The following RSRC1 variants were observed in gnomAD, a reference collection of about 807,000 sequenced individuals.
RSRC1 encodes the protein arginine and serine rich coiled-coil 1, also known as serine/Arginine-related protein 53.
Under a neutral mutation model 49.1 loss-of-function variants are expected in RSRC1, and 39 were observed. The ratio of observed to expected loss-of-function variants is 0.79; its 90% CI spans 0.61 to 1.04. The LOEUF (loss-of-function observed/expected upper bound fraction) is 1.04, where lower values mean the gene tolerates loss of function less well. RSRC1 is among the 50% of genes least tolerant of loss of function. RSRC1 has a pLI of 0.00. For missense variants in RSRC1, 388 were observed against 402.4 expected (o/e 0.96, Z 0.31); for synonymous variants, 143 against 130.8 (o/e 1.09, Z -0.63).
chr3:158,198,339 G>A (rs542396770), intron 3 of RSRC1, among the ~76,000 whole-genome samples: 1 of 152,026 alleles, frequency 6.6e-6, no homozygotes, highest in African/African-American at 2.4e-5. Flanking sequence ...TTTCCCATTT[G>A]CTTGGTAGAT....
In RSRC1 at chr3:158,283,031, T is replaced by TC. The variant is rs201927728; in HGVS notation, c.495-15007dup. 8.7e-3 allele frequency among the ~76,000 whole-genome samples: 1,325 copies of TC among 152,304 alleles called. 12 individuals carry two copies. Among genetic ancestry groups the TC allele is most frequent in the Non-Finnish European group, 0.012 (837 of 68,026 alleles). On this transcript the variant is annotated intron_variant, in intron 4 of 9. Transcript: ENST00000611884. Reference sequence around the variant, plus strand: ...ATTGCAAACATAACTGTGTTCATTATCTCTATTTCACATTCTCCATCTCTA... The same window carrying TC: ...ATTGCAAACATAACTGTGTTCATTATCCTCTATTTCACATTCTCCATCTCTA...
chr3:158,415,312 GC>G (rs1212122859), intron 6 of RSRC1, among the ~76,000 whole-genome samples: 1 of 152,016 alleles, frequency 6.6e-6, no homozygotes, highest in Non-Finnish European at 1.5e-5. Context: ...AAATGATCCA[GC>G]TTTAAAGATT....
chr3:158,396,116 T>C (rs1361766756), intron 6 of RSRC1, among the ~76,000 whole-genome samples: 1 of 152,048 alleles, frequency 6.6e-6, no homozygotes, highest in Non-Finnish European at 1.5e-5. Context: ...TCCTCACTTA[T>C]AAGTTGGAGC....
chr3:158,384,005 A>G (rs898594212), intron 6 of RSRC1, among the ~76,000 whole-genome samples: 1 of 152,096 alleles, frequency 6.6e-6, no homozygotes, highest in Admixed American at 6.6e-5. Flanking sequence ...CATAAATTAT[A>G]TTTTATATAT....
intron 4 of RSRC1, among the ~76,000 whole-genome samples, chr3:158,261,275 G>C (rs186150112): frequency 6.6e-6 from 1 of 152,178 alleles, no homozygotes. Flanking sequence ...AAAACTGTGC[G>C]TGGTCAGTCT....
intron 3 of RSRC1, among the ~76,000 whole-genome samples, chr3:158,185,425 T>C (rs1186880331): frequency 6.6e-6 from 1 of 151,998 alleles, no homozygotes; most frequent in Non-Finnish European, 1.5e-5. Flanking sequence ...ATTGCTCTTT[T>C]ACTTAGAGTC....
At chr3:158,377,509 C>G (rs189686382) in intron 6 of RSRC1, among the ~76,000 whole-genome samples, 86 of 152,238 alleles carry the variant, frequency 5.6e-4, no homozygotes, top group African/African-American at 1.9e-3. Context: ...CATTCTCCCG[C>G]TCTTGCTCCT....
In RSRC1 at chr3:158,455,992, A is replaced by G. The variant is rs1372317587; in HGVS notation, c.584-4943A>G. ...AAGACTCCATCTCAAAAAAAAAAAA[A>G]AAAAAAAAAAAAAAAAAAAAAAGGA... On this transcript the variant is annotated intron_variant, in intron 6 of 9. Coordinates refer to ENST00000611884, the MANE Select transcript of RSRC1 (RefSeq NM_001271838.2). 3.6e-4 allele frequency among the ~76,000 whole-genome samples: 36 copies of G among 99,878 alleles called. 1 individual carries two copies. The highest frequency in any genetic ancestry group is 2.6e-3 in the African/African-American group (35 of 13,340). The allele number at this position is 99,878 out of a possible 152,430, so 65.5% of individuals were successfully genotyped here. A position where few individuals can be genotyped will look rare whatever the true frequency, so the allele number is the denominator to read the frequency against.
intron 4 of RSRC1, among the ~76,000 whole-genome samples, chr3:158,215,127 T>C (rs1357853271): frequency 5.9e-5 from 9 of 151,864 alleles, no homozygotes; most frequent in African/African-American, 1.7e-4. Context: ...GCTTTCATCT[T>C]TGTTCTTCAT....
At chr3:158,322,117 A>G (rs1310831380) in intron 5 of RSRC1, among the ~76,000 whole-genome samples, 1 of 152,162 alleles carries the variant, frequency 6.6e-6, no homozygotes. Flanking sequence ...TACTTACTTC[A>G]GTATTTCTTG....
chr3:158,111,160 GT>G (rs1045938685), intron 1 of RSRC1, among the ~76,000 whole-genome samples: 2 of 152,182 alleles, frequency 1.3e-5, no homozygotes, highest in African/African-American at 4.8e-5. Context: ...GAGTTCCCAG[GT>G]TTAAGATTTG....
chr3:158,201,246 A>G (rs1021982825), intron 3 of RSRC1, among the ~76,000 whole-genome samples: 1 of 152,040 alleles, frequency 6.6e-6, no homozygotes, highest in Admixed American at 6.5e-5. Context: ...GTTCCCCTGT[A>G]TGTAATGTGT....
chr3:158,381,482 C>T (rs754601621), intron 6 of RSRC1, among the ~76,000 whole-genome samples: 2 of 152,168 alleles, frequency 1.3e-5, no homozygotes, highest in Non-Finnish European at 2.9e-5. Flanking sequence ...GGCCATTTAT[C>T]ATTGTGTGAA....
At chr3:158,274,722 TGTG>T (rs1256316473) in intron 4 of RSRC1, among the ~76,000 whole-genome samples, 4 of 152,184 alleles carry the variant, frequency 2.6e-5, no homozygotes, top group African/African-American at 9.7e-5. Flanking sequence ...AGAAATGCAA[TGTG>T]GTGGTATACT....
intron 4 of RSRC1, among the ~76,000 whole-genome samples, chr3:158,229,428 G>GTATA (rs1722824785): frequency 7.3e-6 from 1 of 137,754 alleles, no homozygotes; most frequent in Non-Finnish European, 1.6e-5. Context: ...ATGTATGTAT[G>GTATA]TATATACACA....
chr3:158,239,303 A>C (rs1419848180), intron 4 of RSRC1, among the ~76,000 whole-genome samples: 1 of 152,162 alleles, frequency 6.6e-6, no homozygotes, highest in Non-Finnish European at 1.5e-5. Flanking sequence ...ACAGTGTGTC[A>C]ATTACTCAAG....
chr3:158,472,143 G>T (rs1182237142), intron 7 of RSRC1, among the ~76,000 whole-genome samples: 3 of 151,868 alleles, frequency 2.0e-5, no homozygotes, highest in Admixed American at 6.6e-5. Context: ...ATATCAAGTT[G>T]GTTTTTAAAT....
At chr3:158,353,957 G>A (rs986809843) in intron 5 of RSRC1, among the ~76,000 whole-genome samples, 1 of 149,064 alleles carries the variant, frequency 6.7e-6, no homozygotes, top group Non-Finnish European at 1.5e-5. Context: ...AAATCTCAGA[G>A]TGTGGTCACT....
chr3:158,416,187 T>A (rs893632244), intron 6 of RSRC1, among the ~76,000 whole-genome samples: 7 of 151,974 alleles, frequency 4.6e-5, no homozygotes, highest in Non-Finnish European at 8.8e-5. Context: ...TATTTTTTTT[T>A]ATCTTTCTCT....
Sources: allele counts gnomAD v4.1 joint callset (sites outside exome capture counted in the v4.1 genomes callset), GRCh38; gene constraint gnomAD v4.1.1; transcripts MANE v1.5; gene names NCBI Gene and HGNC (gene_info 2026-07-23, HGNC 2026-07-21).